Variants in AP3S1 observed in about 807,000 individuals in gnomAD.
AP3S1 encodes the protein adaptor related protein complex 3 subunit sigma 1.
In AP3S1, 12 loss-of-function variants were observed where a neutral mutation model predicts 21.3. The ratio of observed to expected loss-of-function variants is 0.56; its 90% CI spans 0.36 to 0.91. The LOEUF is 0.91. Ranked by LOEUF, AP3S1 falls within the 40% of genes least tolerant of loss-of-function variation. The pLI is 0.01. For synonymous variants in AP3S1, 48 were observed against 78.4 expected (o/e 0.61, Z 2.05); for missense variants, 116 against 225.0 (o/e 0.52, Z 3.10).
At chr5:115,874,991 G>A (rs1195819142) in intron 3 of AP3S1, among the ~76,000 whole-genome samples, 5 of 152,088 alleles carry the variant, frequency 3.3e-5, no homozygotes, top group Non-Finnish European at 7.3e-5. Context: ...CAGAGTAGGT[G>A]TGAGCGTTAA....
intron 3 of AP3S1, among the ~76,000 whole-genome samples, chr5:115,870,445 A>G (rs957461585): frequency 7.2e-5 from 11 of 152,152 alleles, no homozygotes; most frequent in African/African-American, 2.7e-4. Context: ...TCTCCTGAAA[A>G]TCTTTCATAA....
At chr5:115,859,725 C>T (rs1167457730) in intron 1 of AP3S1, among the ~76,000 whole-genome samples, 1 of 152,192 alleles carries the variant, frequency 6.6e-6, no homozygotes, top group African/African-American at 2.4e-5. Flanking sequence ...TAACAGTTTT[C>T]TGTCATAGTT....
chr5:115,879,556 T>C (rs1159589559), intron 3 of AP3S1, among the ~76,000 whole-genome samples: 2 of 152,070 alleles, frequency 1.3e-5, no homozygotes, highest in Non-Finnish European at 2.9e-5. Flanking sequence ...GCCGACTTGA[T>C]TGTGTTGGAT....
intron 1 of AP3S1, among the ~76,000 whole-genome samples, chr5:115,860,895 T>C (rs1325028775): frequency 6.6e-6 from 1 of 152,314 alleles, no homozygotes; most frequent in African/African-American, 2.4e-5. Context: ...TGCCTTAACT[T>C]TATTGCCTTT....
chr5:115,871,486 C>T (rs1309657941), intron 3 of AP3S1, among the ~76,000 whole-genome samples: 1 of 152,194 alleles, frequency 6.6e-6, no homozygotes, highest in Non-Finnish European at 1.5e-5. Flanking sequence ...TGTAACCCCT[C>T]CATAATCTCA....
intron 4 of AP3S1, among the ~76,000 whole-genome samples, chr5:115,902,014 G>T (rs370645367): frequency 2.6e-5 from 4 of 152,032 alleles, no homozygotes; most frequent in East Asian, 3.8e-4. Context: ...AATCCTATGA[G>T]GTGCCTATAT....
At position 115,871,882 on chromosome 5, in the gene AP3S1, AG is replaced by A. The variant is rs1248379235; in HGVS notation, c.273+1755del. Among the ~76,000 whole-genome samples, 3 of 152,308 alleles carry A rather than the reference AG, an allele frequency of 2.0e-5. No homozygotes were observed. The East Asian group carries it at 5.8e-4, about 29-fold the overall frequency. ...TCTAGCACCTTGCTTCCCAGTGCAC[AG>A]ATAAAATTGGCTTTTGAAGTTAGCA... On this transcript the variant is annotated intron_variant, in intron 3 of 5. Transcript: ENST00000316788.
intron 5 of AP3S1, among the ~76,000 whole-genome samples, chr5:115,911,341 A>G (rs1752092871): frequency 6.6e-6 from 1 of 152,076 alleles, no homozygotes; most frequent in South Asian, 2.1e-4. Context: ...ATAAACACAC[A>G]CACACACACG....
chr5:115,846,941 G>C (rs969242677), intron 1 of AP3S1, among the ~76,000 whole-genome samples: 9 of 152,238 alleles, frequency 5.9e-5, no homozygotes, highest in Non-Finnish European at 1.3e-4. Flanking sequence ...GAAGTGCAGA[G>C]TAGTAGACCG....
chr5:115,908,245 T>C (rs1258516331), intron 5 of AP3S1, among the ~76,000 whole-genome samples: 1 of 152,220 alleles, frequency 6.6e-6, no homozygotes, highest in African/African-American at 2.4e-5. Context: ...GTCAGAATTA[T>C]TGCCAGTTTC....
At chr5:115,846,507 G>A (rs1762074820) in intron 1 of AP3S1, among the ~76,000 whole-genome samples, 1 of 148,886 alleles carries the variant, frequency 6.7e-6, no homozygotes. Context: ...TAATTAAACT[G>A]TTAACCAAAT....
chr5:115,848,577 G>A lies in AP3S1; in HGVS notation c.69+6471G>A, dbSNP rs182701827. On this transcript the variant is annotated intron_variant, in intron 1 of 5. Transcript: ENST00000316788. Reference sequence around the variant, plus strand: ...GGTTATCAGTGTCCTTGTCTTTTTCGTTCTGAAAGGAAATCTTTGCTAATT... The same window carrying A: ...GGTTATCAGTGTCCTTGTCTTTTTCATTCTGAAAGGAAATCTTTGCTAATT... Among the ~76,000 whole-genome samples, 382 of 152,070 alleles carry A rather than the reference G, an allele frequency of 2.5e-3. 3 individuals carry two copies. Among genetic ancestry groups the A allele is most frequent in the African/African-American group, 8.7e-3 (361 of 41,488 alleles).
chr5:115,910,270 A>G (rs1195154163), intron 5 of AP3S1, among the ~76,000 whole-genome samples: 2 of 151,354 alleles, frequency 1.3e-5, no homozygotes, highest in Non-Finnish European at 3.0e-5. Flanking sequence ...TCTCTTAAAA[A>G]AAAAAAAAAA....
intron 1 of AP3S1, 92 bp downstream of exon 1, chr5:115,842,198 C>A: frequency 6.8e-7 from 1 of 1,466,132 alleles, no homozygotes. Flanking sequence ...CCCCCTCCGG[C>A]GCGCTGCGGC....
chr5:115,867,862 G>C (rs1215764547), intron 2 of AP3S1, among the ~76,000 whole-genome samples: 3 of 152,240 alleles, frequency 2.0e-5, no homozygotes, highest in African/African-American at 7.2e-5. Context: ...TCTTACTAGG[G>C]TGCTATTTGA....
chr5:115,857,669 C>G (rs147805322), intron 1 of AP3S1, among the ~76,000 whole-genome samples: 2 of 152,160 alleles, frequency 1.3e-5, no homozygotes, highest in South Asian at 2.1e-4. Flanking sequence ...TGTTTATGTA[C>G]GTGTCTAAAT....
intron 1 of AP3S1, chr5:115,842,674 A>C (rs866405129): frequency 3.9e-5 from 6 of 152,458 alleles, no homozygotes; most frequent in African/African-American, 1.4e-4. Context: ...TGATAACTGC[A>C]CGTTCTGTAC....
chr5:115,854,931 T>G lies in AP3S1; in HGVS notation c.70-11739T>G, dbSNP rs566301153. On this transcript the variant is annotated intron_variant, in intron 1 of 5. Transcript: ENST00000316788. ...CAGTATGTTATTTGTACTACTCTTATGTCAGAAATCGCCCTCTACCTTTTA... is the reference window on the plus strand; with the variant it reads ...CAGTATGTTATTTGTACTACTCTTAGGTCAGAAATCGCCCTCTACCTTTTA... Among the ~76,000 whole-genome samples the G allele has an allele frequency of 9.7e-4, 148 of 152,306 alleles. 1 individual carries two copies. The highest frequency in any genetic ancestry group is 2.1e-3 in the Admixed American group (32 of 15,278).
chr5:115,849,234 T>G (rs1364016174), intron 1 of AP3S1, among the ~76,000 whole-genome samples: 1 of 152,180 alleles, frequency 6.6e-6, no homozygotes, highest in East Asian at 1.9e-4. Flanking sequence ...GTAATTAGTC[T>G]GAAGACAAAT....
Sources: gnomAD v4.1 joint callset for allele counts (sites outside exome capture counted in the v4.1 genomes callset) on GRCh38, gnomAD v4.1.1 for gene constraint, MANE v1.5 for transcripts, NCBI Gene and HGNC (gene_info 2026-07-23, HGNC 2026-07-21) for gene names.